Variants in SLC71A2 observed in about 807,000 individuals in gnomAD.
SLC71A2 encodes the protein hippocampus abundant transcript-like 1.
the SLC71A2 span, among the ~76,000 whole-genome samples, chr9:94,410,750 C>G: frequency 0.031 from 4,780 of 152,204 alleles, 92 homozygotes; most frequent in South Asian, 0.049. Context: ...TTAAAAAAAT[C>G]AAATTAGCAA....
At chr9:94,401,889 C>G in the SLC71A2 span, among the ~76,000 whole-genome samples, 71 of 152,270 alleles carry the variant, frequency 4.7e-4, no homozygotes, top group Middle Eastern at 3.4e-3. Context: ...TGCTGGTGCC[C>G]ATTTTTATGG....
chr9:94,413,235 GA>G, the SLC71A2 span, among the ~76,000 whole-genome samples: 1 of 152,006 alleles, frequency 6.6e-6, no homozygotes, highest in Admixed American at 6.6e-5. Context: ...TTCTGAACCA[GA>G]AAAAGAAAAT....
At chr9:94,440,216 C>T in the SLC71A2 span, among the ~76,000 whole-genome samples, 2 of 151,748 alleles carry the variant, frequency 1.3e-5, no homozygotes, top group South Asian at 2.1e-4. Context: ...TGCAGTGGCG[C>T]GATCTTGGCT....
At chr9:94,457,053 G>A in the SLC71A2 span, among the ~76,000 whole-genome samples, 11,367 of 146,612 alleles carry the variant, frequency 0.078, 508 homozygotes, top group Non-Finnish European at 0.11. Flanking sequence ...TGCAGCCTCC[G>A]TCTCCTGGGC....
the SLC71A2 span, chr9:94,440,864 C>G: frequency 3.8e-6 from 2 of 524,270 alleles, no homozygotes; most frequent in Admixed American, 3.3e-5. Flanking sequence ...TTTAAGTATA[C>G]ATACATATAC....
At chr9:94,456,830 A>T in the SLC71A2 span, among the ~76,000 whole-genome samples, 2 of 152,180 alleles carry the variant, frequency 1.3e-5, no homozygotes, top group Non-Finnish European at 2.9e-5. Context: ...ATGAAATTAA[A>T]ATTAAGACTG....
At chr9:94,403,579 A>G in the SLC71A2 span, among the ~76,000 whole-genome samples, 1 of 151,830 alleles carries the variant, frequency 6.6e-6, no homozygotes, top group Admixed American at 6.6e-5. Flanking sequence ...CATAAGTTGA[A>G]CACTTGGGTT....
At chr9:94,449,284 T>C in the SLC71A2 span, among the ~76,000 whole-genome samples, 8 of 152,326 alleles carry the variant, frequency 5.3e-5, no homozygotes, top group South Asian at 1.7e-3. Flanking sequence ...ATTAACACAC[T>C]AACATTTTAG....
chr9:94,429,849 A>T, the SLC71A2 span, among the ~76,000 whole-genome samples: 1 of 151,802 alleles, frequency 6.6e-6, no homozygotes, highest in Admixed American at 6.6e-5. Context: ...TAGTATATAG[A>T]CTTTGGAAAC....
the SLC71A2 span, among the ~76,000 whole-genome samples, chr9:94,401,069 A>G: frequency 6.6e-6 from 1 of 151,476 alleles, no homozygotes; most frequent in Non-Finnish European, 1.5e-5. Flanking sequence ...GTGACACATA[A>G]TGAACATCTT....
the SLC71A2 span, among the ~76,000 whole-genome samples, chr9:94,415,556 A>G: frequency 1.8e-4 from 28 of 152,106 alleles, no homozygotes; most frequent in Admixed American, 2.6e-4. Flanking sequence ...GCAACTCCCA[A>G]ACTTTTTTAG....
At chr9:94,446,782 T>C in the SLC71A2 span, 1 of 991,984 alleles carries the variant, frequency 1.0e-6, no homozygotes, top group Non-Finnish European at 1.6e-6. Context: ...AACATTAATG[T>C]GTATTGGCAT....
chr9:94,457,499 T>C, the SLC71A2 span, among the ~76,000 whole-genome samples: 1 of 152,088 alleles, frequency 6.6e-6, no homozygotes, highest in African/African-American at 2.4e-5. Context: ...TCAGATTCAT[T>C]GTTAAATATT....
chr9:94,418,287 G>C, the SLC71A2 span, among the ~76,000 whole-genome samples: 1 of 152,060 alleles, frequency 6.6e-6, no homozygotes, highest in African/African-American at 2.4e-5. Flanking sequence ...TGTCTTCAAG[G>C]TTACTGTTTC....
chr9:94,449,123 T>C, the SLC71A2 span, among the ~76,000 whole-genome samples: 1 of 152,186 alleles, frequency 6.6e-6, no homozygotes, highest in Non-Finnish European at 1.5e-5. Flanking sequence ...AAAAAAAAAG[T>C]TACATCTCTT....
chr9:94,446,775 A>G, the SLC71A2 span: 17 of 951,422 alleles, frequency 1.8e-5, no homozygotes, highest in African/African-American at 2.6e-4. Flanking sequence ...CATTGGCAAC[A>G]TTAATGTGTA....
chr9:94,448,028 AC>A, the SLC71A2 span, among the ~76,000 whole-genome samples: 1 of 152,166 alleles, frequency 6.6e-6, no homozygotes, highest in South Asian at 2.1e-4. Flanking sequence ...CCATTCACCC[AC>A]TGAACGACAC....
the SLC71A2 span, among the ~76,000 whole-genome samples, chr9:94,425,980 C>G: frequency 6.6e-6 from 1 of 151,962 alleles, no homozygotes; most frequent in Non-Finnish European, 1.5e-5. Flanking sequence ...AGTTTTCCAC[C>G]TGTAGTCTAG....
the SLC71A2 span, among the ~76,000 whole-genome samples, chr9:94,407,308 T>C: frequency 5.3e-5 from 8 of 152,066 alleles, no homozygotes; most frequent in African/African-American, 1.9e-4. Context: ...AATAAACTGT[T>C]GAATTTGGTT....
Sources: gnomAD v4.1 joint callset for allele counts (sites outside exome capture counted in the v4.1 genomes callset) on GRCh38, gnomAD v4.1.1 for gene constraint, MANE v1.5 for transcripts, NCBI Gene and HGNC (gene_info 2026-07-23, HGNC 2026-07-21) for gene names.